CRACDL: variants seen among roughly 807,000 people sequenced by gnomAD.
CRACDL encodes the protein CRACD-like protein.
In CRACDL, 26 loss-of-function variants were observed where a neutral mutation model predicts 70.6. The ratio of observed to expected loss-of-function variants is 0.37; its 90% CI spans 0.27 to 0.51. CRACDL has a LOEUF of 0.51. Ranked by LOEUF, CRACDL falls within the 20% of genes least tolerant of loss-of-function variation. The probability of loss-of-function intolerance (pLI) is 0.94; values close to 1 mark genes in which losing one functional copy is unlikely to be tolerated. For missense variants in CRACDL, 1,283 were observed against 1,376.9 expected (o/e 0.93, Z 1.08); for synonymous variants, 618 against 615.2 (o/e 1.00, Z -0.07).
intron 1 of CRACDL, among the ~76,000 whole-genome samples, chr2:98,910,041 C>T (rs1293914006): frequency 6.6e-6 from 1 of 152,166 alleles, no homozygotes; most frequent in African/African-American, 2.4e-5. Flanking sequence ...CGCACTTTCC[C>T]TATAACTTGG....
chr2:98,796,127 C>G lies in CRACDL; in HGVS notation c.2742G>C (p.Gln914His). ...GLQRGISLSH[Q>H]NLAQSAVMME... ...TGTTTGCAGATTTCATACCCAAGTT[C>G]TGATGGGACAATGAGATTCCTCTTT... The change falls in exon 9 of 10, where the codon CAG becomes CAC. Residue 914 changes from glutamine to histidine, a missense_variant. This residue lies in a region of CRACDL where 921 missense variants were observed against 881.9 expected (regional missense o/e 1.04). Coordinates refer to ENST00000397899, the MANE Select transcript of CRACDL (RefSeq NM_207362.3). 2 of 1,614,026 alleles carry G rather than the reference C, an allele frequency of 1.2e-6. No individual in the cohort carries two copies. Among genetic ancestry groups the G allele is most frequent in the Admixed American group, 3.3e-5 (2 of 60,030 alleles).
intron 1 of CRACDL, among the ~76,000 whole-genome samples, chr2:98,906,544 G>A (rs529898105): frequency 3.2e-4 from 39 of 120,742 alleles, no homozygotes; most frequent in East Asian, 4.3e-4. Flanking sequence ...TTACAGGCGT[G>A]AGCCATTGCA....
intron 1 of CRACDL, among the ~76,000 whole-genome samples, chr2:98,929,499 T>C (rs1216629665): frequency 2.0e-5 from 3 of 152,162 alleles, no homozygotes; most frequent in Non-Finnish European, 2.9e-5. Flanking sequence ...GTCATGTCTC[T>C]GTCCTGAGGA....
intron 2 of CRACDL, among the ~76,000 whole-genome samples, chr2:98,841,362 A>T (rs1202056461): frequency 1.3e-5 from 2 of 152,148 alleles, no homozygotes; most frequent in Non-Finnish European, 2.9e-5. Flanking sequence ...CTTTAAAAAA[A>T]ATTCCATTTA....
At chr2:98,898,688 A>G (rs561005917) in intron 1 of CRACDL, among the ~76,000 whole-genome samples, 1 of 152,228 alleles carries the variant, frequency 6.6e-6, no homozygotes, top group South Asian at 2.1e-4. Flanking sequence ...TTCTGACAAC[A>G]TGGAGAAAAA....
chr2:98,906,746 G>A (rs1708427476), intron 1 of CRACDL, among the ~76,000 whole-genome samples: 1 of 152,114 alleles, frequency 6.6e-6, no homozygotes, highest in Non-Finnish European at 1.5e-5. Flanking sequence ...CCTGTCTAGT[G>A]ATTTTTTTAA....
intron 1 of CRACDL, among the ~76,000 whole-genome samples, chr2:98,934,154 C>T (rs1709150800): frequency 6.6e-6 from 1 of 150,952 alleles, no homozygotes; most frequent in South Asian, 2.1e-4. Flanking sequence ...TCACTGCTCT[C>T]ATTTCCCTGA....
In CRACDL at chr2:98,823,119, G is replaced by T; in HGVS notation, c.1154C>A (p.Thr385Lys). ...APPAGPCAPA[T>K]DKAEEVVCAP... The stretch of plus-strand genomic sequence containing the variant: ...ACAGACCACCTCCTCCGCCTTGTCC[G>T]TGGCCGGGGCACACGGGCCTGCGGG... Residue 385 changes from threonine (T) to lysine (K), a missense_variant, in exon 7 of 10, where the codon ACG becomes AAG. Physicochemically the swap from Thr to Lys is moderately conservative, Grantham distance 78. This residue lies in a region of CRACDL where 921 missense variants were observed against 881.9 expected (regional missense o/e 1.04). Transcript: ENST00000397899. This position sits in a 1 kb window ranked among gnomAD's most constrained non-coding sequence, Gnocchi z 4.0. The T allele has an allele frequency of 6.4e-7, 1 of 1,574,042 alleles. No homozygotes were observed.
At chr2:98,798,206 A>C (rs1485512334) in intron 7 of CRACDL, among the ~76,000 whole-genome samples, 1 of 152,106 alleles carries the variant, frequency 6.6e-6, no homozygotes, top group Non-Finnish European at 1.5e-5. Flanking sequence ...TTAGCTGGGC[A>C]TGGTGGCACA....
intron 1 of CRACDL, among the ~76,000 whole-genome samples, chr2:98,921,792 C>T (rs1184043268): frequency 6.6e-6 from 1 of 152,118 alleles, no homozygotes; most frequent in Non-Finnish European, 1.5e-5. Context: ...CTCCTGCACC[C>T]GTGCACAGCT....
chr2:98,914,997 C>A (rs6742047), intron 1 of CRACDL, among the ~76,000 whole-genome samples: 71,713 of 152,048 alleles, frequency 0.47, 18,644 homozygotes, highest in African/African-American at 0.68. Flanking sequence ...GTCCCCGGGT[C>A]TAGAAGACCC....
chr2:98,835,308 G>C (rs754867405), intron 3 of CRACDL, among the ~76,000 whole-genome samples: 10 of 152,238 alleles, frequency 6.6e-5, no homozygotes, highest in Non-Finnish European at 1.3e-4. Flanking sequence ...GCCCCTGGCA[G>C]CTGGACTGAG....
At chr2:98,835,139 A>G (rs1189919736) in intron 3 of CRACDL, among the ~76,000 whole-genome samples, 1 of 152,270 alleles carries the variant, frequency 6.6e-6, no homozygotes, top group African/African-American at 2.4e-5. Flanking sequence ...AAGAGAAAAG[A>G]GAATACAAAG....
intron 1 of CRACDL, among the ~76,000 whole-genome samples, chr2:98,933,159 G>A (rs1265437238): frequency 1.3e-5 from 2 of 152,168 alleles, no homozygotes; most frequent in Non-Finnish European, 2.9e-5. Context: ...CCCCGCTGTG[G>A]CTCACCCTGG....
chr2:98,928,141 C>T (rs1195781091), intron 1 of CRACDL, among the ~76,000 whole-genome samples: 2 of 151,378 alleles, frequency 1.3e-5, no homozygotes, highest in Admixed American at 6.6e-5. Flanking sequence ...TCAGAAATGG[C>T]GCCACTGCAT....
At chr2:98,848,170 G>T (rs1706337746) in intron 1 of CRACDL, among the ~76,000 whole-genome samples, 1 of 152,158 alleles carries the variant, frequency 6.6e-6, no homozygotes, top group Non-Finnish European at 1.5e-5. Flanking sequence ...GGCTTCAAAG[G>T]ACATCCTTGC....
intron 4 of CRACDL, 141 bp downstream of exon 4, chr2:98,832,721 T>C: frequency 8.7e-7 from 1 of 1,152,350 alleles, no homozygotes; most frequent in East Asian, 2.3e-5. Flanking sequence ...CTGCAGCTCA[T>C]TTGGTGTGTC....
chr2:98,920,056 C>T (rs1211913716), intron 1 of CRACDL, among the ~76,000 whole-genome samples: 1 of 152,154 alleles, frequency 6.6e-6, no homozygotes, highest in Non-Finnish European at 1.5e-5. Flanking sequence ...GCCTGGCCTA[C>T]AATACGTTTT....
At chr2:98,901,543 C>T (rs991926858) in intron 1 of CRACDL, among the ~76,000 whole-genome samples, 2 of 152,220 alleles carry the variant, frequency 1.3e-5, no homozygotes, top group Non-Finnish European at 2.9e-5. Context: ...GTGGACAGCA[C>T]AGCCCACAGG....
Sources: allele counts gnomAD v4.1 joint callset (sites outside exome capture counted in the v4.1 genomes callset), GRCh38; gene constraint gnomAD v4.1.1; regional missense constraint gnomAD v4.1.1; non-coding constraint Gnocchi (gnomAD v3.1); transcripts MANE v1.5; gene names NCBI Gene and HGNC (gene_info 2026-07-23, HGNC 2026-07-21).